Variants in ARPP21 observed in about 807,000 individuals in gnomAD.
The protein encoded by ARPP21 is cAMP-regulated phosphoprotein 21.
A neutral mutation model predicts 113.2 loss-of-function variants in ARPP21; 69 were observed. That is an observed-to-expected ratio of 0.61 (90% CI 0.50 to 0.74). The LOEUF (loss-of-function observed/expected upper bound fraction) is 0.74, where lower values mean the gene tolerates loss of function less well. Ranked by LOEUF, ARPP21 falls within the 30% of genes least tolerant of loss-of-function variation. The pLI is 0.00. For missense variants in ARPP21, 1,070 were observed against 1,037.4 expected, an observed-to-expected ratio of 1.03 and a Z score of -0.43; for synonymous variants, 368 against 375.5, an observed-to-expected ratio of 0.98 and a Z score of 0.23.
At chr3:35,784,445 C>T (rs1410493986) in intron 19 of ARPP21, among the ~76,000 whole-genome samples, 2 of 152,186 alleles carry the variant, frequency 1.3e-5, no homozygotes, top group Non-Finnish European at 2.9e-5. Flanking sequence ...GACAGTTTTC[C>T]AGCAGACTAC....
intron 14 of ARPP21, among the ~76,000 whole-genome samples, chr3:35,726,383 T>C (rs2093539896): frequency 6.6e-6 from 1 of 152,252 alleles, no homozygotes; most frequent in Non-Finnish European, 1.5e-5. Context: ...GATGTTTACA[T>C]GCTGGTCAAA....
chr3:35,666,131 G>C (rs1454436212), intron 1 of ARPP21, among the ~76,000 whole-genome samples: 2 of 152,080 alleles, frequency 1.3e-5, no homozygotes, highest in African/African-American at 2.4e-5. Flanking sequence ...TACTGAGAAT[G>C]ATACAAATGA....
At chr3:35,671,348 A>G (rs901392341) in intron 1 of ARPP21, among the ~76,000 whole-genome samples, 2 of 152,176 alleles carry the variant, frequency 1.3e-5, no homozygotes, top group Non-Finnish European at 2.9e-5. Context: ...GCCAATGTCA[A>G]ATGAATTATT....
At chr3:35,744,078 T>G in intron 19 of ARPP21, 113 bp downstream of exon 19, 2 of 1,109,504 alleles carry the variant, frequency 1.8e-6, no homozygotes, top group Non-Finnish European at 2.7e-6. Flanking sequence ...ACATTTTCTC[T>G]ACCCAGAGAA....
chr3:35,782,787 A>G (rs1409788654), intron 19 of ARPP21, among the ~76,000 whole-genome samples: 2 of 152,176 alleles, frequency 1.3e-5, no homozygotes, highest in African/African-American at 4.8e-5. Flanking sequence ...TTAAAACAGC[A>G]AGAAAAACAA....
At chr3:35,750,460 T>G (rs867455558) in intron 19 of ARPP21, among the ~76,000 whole-genome samples, 1 of 152,104 alleles carries the variant, frequency 6.6e-6, no homozygotes, top group Admixed American at 6.6e-5. Context: ...CTTATAAAAT[T>G]TTTGAGGTGG....
intron 9 of ARPP21, among the ~76,000 whole-genome samples, chr3:35,695,652 C>T (rs781305431): frequency 4.0e-5 from 6 of 151,394 alleles, no homozygotes; most frequent in Non-Finnish European, 7.4e-5. Flanking sequence ...TTTCATGGTT[C>T]AAATAGGCAT....
chr3:35,731,741 G>A (rs1477496098), intron 15 of ARPP21, among the ~76,000 whole-genome samples: 1 of 151,786 alleles, frequency 6.6e-6, no homozygotes, highest in Middle Eastern at 3.2e-3. Flanking sequence ...CCTCTGGGCT[G>A]GAACTCATCT....
In ARPP21 at chr3:35,687,719, T is replaced by C. The variant is rs1380604101; in HGVS notation, c.262-20T>C. ...GATGATTAAACCTGGCCCTAAATTA[T>C]TATATTTTTTCCCCAACAGGAATCA... On this transcript the variant is annotated intron_variant, in intron 5 of 20. Transcript: ENST00000684406. 2 of 1,593,166 alleles carry C rather than the reference T, an allele frequency of 1.3e-6. No individual in the cohort carries two copies. Among genetic ancestry groups the C allele is most frequent in the Non-Finnish European group, 1.7e-6 (2 of 1,172,070 alleles).
At chr3:35,672,345 A>G (rs4678791) in intron 1 of ARPP21, among the ~76,000 whole-genome samples, 81,927 of 151,780 alleles carry the variant, frequency 0.54, 22,323 homozygotes, top group South Asian at 0.59. Flanking sequence ...CAAGACCAAA[A>G]CCTTCATGAG....
rs1448055949 is a variant in ARPP21, at chr3:35,792,607, G to C, written c.2286+77G>C. The C allele has an allele frequency of 2.1e-6, 3 of 1,411,586 alleles. No homozygotes were observed. The East Asian group carries it at 6.9e-5, about 32-fold the overall frequency. 87.4% of individuals were successfully genotyped at this position (1,411,586 alleles called of 1,614,324 possible). ...AGTGGAAGCTGTGGGTCTGTCCCTG[G>C]TTTGGGTGGCTGGCTGGGTAATGCG... On this transcript the variant is annotated intron_variant, in intron 20 of 20. Coordinates refer to ENST00000684406, the MANE Select transcript of ARPP21 (RefSeq NM_001385562.1).
intron 1 of ARPP21, among the ~76,000 whole-genome samples, chr3:35,662,139 C>A (rs1467101033): frequency 1.3e-5 from 2 of 152,092 alleles, no homozygotes; most frequent in African/African-American, 2.4e-5. Flanking sequence ...TGGAAAGAAT[C>A]ATAGTGTGTG....
At position 35,683,764 on chromosome 3, in the gene ARPP21, T is replaced by C. The variant is rs1236578305; in HGVS notation, c.210T>C (p.Ala70=). 3 of 1,535,402 alleles carry C rather than the reference T, an allele frequency of 2.0e-6. No individual in the cohort carries two copies. Among genetic ancestry groups the C allele is most frequent in the Admixed American group, 3.4e-5 (2 of 59,620 alleles). ...AAGGTAAACTGACTCGCAGCCTTGC[T>C]GTCTGTGAGGAATCTTCTGCCAGAC... is the stretch of plus-strand genomic sequence containing the variant. The part of the protein sequence containing the change: ...AGKGKLTRSL[A]VCEESSARPG... The change falls in exon 5 of 21, where the codon GCT becomes GCC. Residue 70 remains alanine (A), a synonymous_variant. Coordinates refer to ENST00000684406, the MANE Select transcript of ARPP21 (RefSeq NM_001385562.1).
At chr3:35,640,617 A>C (rs923391021) in intron 1 of ARPP21, among the ~76,000 whole-genome samples, 1 of 152,182 alleles carries the variant, frequency 6.6e-6, no homozygotes, top group African/African-American at 2.4e-5. Context: ...AAAAGACAGA[A>C]ATGGAAAGCT....
At chr3:35,669,764 C>CT (rs1464188252) in intron 1 of ARPP21, among the ~76,000 whole-genome samples, 1 of 152,138 alleles carries the variant, frequency 6.6e-6, no homozygotes, top group African/African-American at 2.4e-5. Context: ...GTAAAGTACA[C>CT]TTTAAGACTA....
At position 35,709,405 on chromosome 3, in the gene ARPP21, A is replaced by T. The variant is rs994963754; in HGVS notation, c.897+335A>T. 4.6e-5 allele frequency among the ~76,000 whole-genome samples: 7 copies of T among 152,322 alleles called. No individual in the cohort carries two copies. The East Asian group carries it at 1.4e-3, about 29-fold the overall frequency. ...ACATTAGCCAGCAGATTACCTACCT[A>T]GTGTTGTTTTCTTTTTAATAACAAC... On this transcript the variant is annotated intron_variant, in intron 11 of 20. Transcript: ENST00000684406.
At chr3:35,793,134 A>G (rs2096780039) in intron 20 of ARPP21, among the ~76,000 whole-genome samples, 2 of 152,312 alleles carry the variant, frequency 1.3e-5, no homozygotes, top group South Asian at 4.1e-4. Flanking sequence ...TTCTGACCCT[A>G]AAGGACCTAT....
At chr3:35,793,655 CA>C in intron 20 of ARPP21, 45 bp from the exon 21 acceptor site, 2 of 1,458,952 alleles carry the variant, frequency 1.4e-6, no homozygotes, top group Non-Finnish European at 9.6e-7. Flanking sequence ...TTGTACAGAC[CA>C]AAATAGTCTC....
At position 35,681,846 on chromosome 3, in the gene ARPP21, A is replaced by G. The variant is rs1383769837; in HGVS notation, c.95A>G (p.Glu32Gly). Residue 32 changes from glutamate (E) to glycine (G), a missense_variant, in exon 3 of 21, where the codon GAA becomes GGA. Physicochemically the swap from Glu to Gly is moderately conservative, Grantham distance 98. Coordinates refer to ENST00000684406, the MANE Select transcript of ARPP21 (RefSeq NM_001385562.1). ...ATPENGIVKS[E>G]SLDEEEKLEL... ...CCAGAGAACGGCATTGTTAAATCAGAAAGTCTGGATGAAGAGGAGAAACTG... is the reference window on the plus strand; with the variant it reads ...CCAGAGAACGGCATTGTTAAATCAGGAAGTCTGGATGAAGAGGAGAAACTG... 1 of 1,612,156 alleles carries G rather than the reference A, an allele frequency of 6.2e-7. No individual in the cohort carries two copies. The highest frequency in any genetic ancestry group is 8.5e-7 in the Non-Finnish European group (1 of 1,178,770).
Sources: allele counts gnomAD v4.1 joint callset (sites outside exome capture counted in the v4.1 genomes callset), GRCh38; gene constraint gnomAD v4.1.1; transcripts MANE v1.5; gene names NCBI Gene and HGNC (gene_info 2026-07-23, HGNC 2026-07-21).